The following TJP1 variants were observed in gnomAD, a reference collection of about 807,000 sequenced individuals.
TJP1 encodes tight junction protein ZO-1.
In TJP1, 43 loss-of-function variants were observed where a neutral mutation model predicts 194.2. That is an observed-to-expected ratio of 0.22 (90% CI 0.17 to 0.29). TJP1 has a LOEUF of 0.29. Ranked by LOEUF, TJP1 falls within the 10% of genes least tolerant of loss-of-function variation. The pLI is 1.00. For synonymous variants in TJP1, 801 were observed against 779.0 expected (o/e 1.03, Z -0.47); for missense variants, 1,971 against 2,185.7 (o/e 0.90, Z 1.96).
chr15:29,903,712 G>C (rs1049305407), intron 2 of TJP1, among the ~76,000 whole-genome samples: 1 of 152,198 alleles, frequency 6.6e-6, no homozygotes, highest in African/African-American at 2.4e-5. Context: ...CCAAAGTGCT[G>C]GGATTACAGG....
rs75067261 is a variant in TJP1 at position 29,892,950 on chromosome 15, C to G, written c.306+63282G>C. 3.5e-4 allele frequency among the ~76,000 whole-genome samples: 54 copies of G among 152,264 alleles called. No homozygotes were observed. The East Asian group carries it at 0.01, about 29-fold the overall frequency. On this transcript the variant is annotated intron_variant, in intron 2 of 28. Transcript: ENST00000356107. ...TATCTAAAAAATACATTTTATGAGG[C>G]TATAGCTGCCATACATAGTGATTTC... is the stretch of plus-strand genomic sequence containing the variant.
chr15:29,763,711 G>C (rs2046150850), intron 5 of TJP1, among the ~76,000 whole-genome samples: 1 of 143,432 alleles, frequency 7.0e-6, no homozygotes, highest in Non-Finnish European at 1.5e-5. Context: ...AGGTTGCAGT[G>C]AACTGAGATT....
At chr15:29,923,890 C>T (rs1453295806) in intron 2 of TJP1, among the ~76,000 whole-genome samples, 1 of 152,178 alleles carries the variant, frequency 6.6e-6, no homozygotes, top group Non-Finnish European at 1.5e-5. Flanking sequence ...CACCTGAGTA[C>T]CCTCATGCTT....
At chr15:29,943,156 T>C (rs1294696479) in intron 2 of TJP1, among the ~76,000 whole-genome samples, 2 of 152,184 alleles carry the variant, frequency 1.3e-5, no homozygotes, top group African/African-American at 4.8e-5. Context: ...ATTTTATATG[T>C]GTAAGAGAGA....
intron 2 of TJP1, among the ~76,000 whole-genome samples, chr15:29,847,646 G>A (rs2051467400): frequency 6.6e-6 from 1 of 152,048 alleles, no homozygotes; most frequent in Non-Finnish European, 1.5e-5. Flanking sequence ...TTAGCCGGGC[G>A]AGGTGGTGCG....
At chr15:29,856,344 G>C (rs2051850488) in intron 2 of TJP1, among the ~76,000 whole-genome samples, 1 of 152,120 alleles carries the variant, frequency 6.6e-6, no homozygotes, top group Non-Finnish European at 1.5e-5. Flanking sequence ...AGTGAAAGAA[G>C]CCAGACACAA....
intron 18 of TJP1, among the ~76,000 whole-genome samples, chr15:29,725,252 T>C (rs149983392): frequency 4.0e-4 from 61 of 152,340 alleles, no homozygotes; most frequent in Middle Eastern, 3.4e-3. Context: ...TCCCCCAGAC[T>C]GGTTCATAAT....
intron 8 of TJP1, among the ~76,000 whole-genome samples, chr15:29,754,390 G>T (rs1391469562): frequency 2.6e-5 from 4 of 152,144 alleles, no homozygotes; most frequent in Non-Finnish European, 5.9e-5. Context: ...TAGGAGGAGG[G>T]AGAACAAGAG....
chr15:29,841,644 C>T (rs757836586), intron 2 of TJP1, among the ~76,000 whole-genome samples: 4 of 152,080 alleles, frequency 2.6e-5, no homozygotes, highest in Admixed American at 6.5e-5. Flanking sequence ...GTCAGAATAG[C>T]AGGATTAATA....
intron 2 of TJP1, among the ~76,000 whole-genome samples, chr15:29,777,673 A>G (rs2047101866): frequency 6.6e-6 from 1 of 151,256 alleles, no homozygotes; most frequent in South Asian, 2.1e-4. Flanking sequence ...TACAACTTTC[A>G]GGAGAGGAAT....
At chr15:29,851,594 C>T (rs555876876) in intron 2 of TJP1, among the ~76,000 whole-genome samples, 2 of 152,126 alleles carry the variant, frequency 1.3e-5, no homozygotes, top group South Asian at 4.1e-4. Context: ...TAGATATAGA[C>T]AAGACTATTC....
At chr15:29,955,452 C>A (rs1272659093) in intron 2 of TJP1, among the ~76,000 whole-genome samples, 1 of 152,064 alleles carries the variant, frequency 6.6e-6, no homozygotes, top group East Asian at 1.9e-4. Flanking sequence ...GAATTTACCA[C>A]ATTTCCATAT....
At chr15:29,936,332 C>T (rs900226863) in intron 2 of TJP1, among the ~76,000 whole-genome samples, 6 of 152,174 alleles carry the variant, frequency 3.9e-5, no homozygotes, top group Non-Finnish European at 7.4e-5. Flanking sequence ...TGAATAGAGT[C>T]GTCCAGTCAG....
intron 2 of TJP1, among the ~76,000 whole-genome samples, chr15:29,785,208 A>G (rs1356195457): frequency 6.6e-6 from 1 of 152,156 alleles, no homozygotes; most frequent in Non-Finnish European, 1.5e-5. Context: ...AACTTTTGAA[A>G]CCTTAAGCAA....
chr15:29,742,764 T>G lies in TJP1; in HGVS notation c.1028A>C (p.Glu343Ala). ...PSNGSLRSRD[E>A]ERISKPGAVS... is the part of the protein sequence containing the mutation. ...AGCCCCAGGTTTAGAAATTCTCTCT[T>G]CATCTCTACTCCGGAGACTGTGTGT... Residue 343 changes from glutamate (E) to alanine (A), a missense_variant, in exon 9 of 28, where the codon GAA becomes GCA. Glu to Ala is a moderately radical substitution (Grantham distance 107). Transcript: ENST00000614355. 1 of 1,601,660 alleles carries G rather than the reference T, an allele frequency of 6.2e-7. No individual in the cohort carries two copies. The highest frequency in any genetic ancestry group is 1.1e-5 in the South Asian group (1 of 88,068).
At position 29,953,140 on chromosome 15, in the gene TJP1, A is replaced by ATTTTTTTTTTTTTTTTTTTTTTTTTTTTT. The variant is rs71416442; in HGVS notation, c.306+3091_306+3092insAAAAAAAAAAAAAAAAAAAAAAAAAAAAA. Among the ~76,000 whole-genome samples the ATTTTTTTTTTTTTTTTTTTTTTTTTTTTT allele has an allele frequency of 3.6e-5, 4 of 110,978 alleles. 1 individual carries two copies. Among genetic ancestry groups the ATTTTTTTTTTTTTTTTTTTTTTTTTTTTT allele is most frequent in the Non-Finnish European group, 7.2e-5 (4 of 55,928 alleles). 72.8% of individuals were successfully genotyped at this position (110,978 alleles called of 152,430 possible). On this transcript the variant is annotated intron_variant, in intron 2 of 28. Coordinates refer to the TJP1 transcript ENST00000356107. ...TTCCTTCTTTCATAAAAGAAGACAG[A>ATTTTTTTTTTTTTTTTTTTTTTTTTTTTT]TTTTTTTTTTTTTTTTTTTGCAACG...
chr15:29,906,142 T>C (rs893120205), intron 2 of TJP1, among the ~76,000 whole-genome samples: 9 of 152,124 alleles, frequency 5.9e-5, no homozygotes, highest in African/African-American at 2.2e-4. Flanking sequence ...CTCTGTACTT[T>C]CCACTCAAGT....
chr15:29,722,071 T>G (rs2042963241), intron 18 of TJP1, among the ~76,000 whole-genome samples: 1 of 152,222 alleles, frequency 6.6e-6, no homozygotes, highest in African/African-American at 2.4e-5. Flanking sequence ...AGCATAAAAG[T>G]TTGGAAAATT....
At chr15:29,710,226 T>C (rs1326963376) in intron 24 of TJP1, among the ~76,000 whole-genome samples, 1 of 151,454 alleles carries the variant, frequency 6.6e-6, no homozygotes, top group Non-Finnish European at 1.5e-5. Context: ...AACATGGGCA[T>C]GTGTGAAAAA....
Sources: allele counts gnomAD v4.1 joint callset (sites outside exome capture counted in the v4.1 genomes callset), GRCh38; gene constraint gnomAD v4.1.1; transcripts MANE v1.5; gene names NCBI Gene and HGNC (gene_info 2026-07-23, HGNC 2026-07-21).